RASGRF1: variants seen among roughly 807,000 people sequenced by gnomAD.
RASGRF1 encodes the protein Ras protein specific guanine nucleotide releasing factor 1, also known as ras-specific guanine nucleotide-releasing factor 1.
RASGRF1 carries 40 observed loss-of-function variants against 138.7 expected under a neutral mutation model. The ratio of observed to expected loss-of-function variants is 0.29; its 90% CI spans 0.22 to 0.38. The LOEUF is 0.38. Ranked by LOEUF, RASGRF1 falls within the 10% of genes least tolerant of loss-of-function variation. RASGRF1 has a pLI of 1.00. For missense variants in RASGRF1, 1,108 were observed against 1,650.4 expected (o/e 0.67, Z 5.69); for synonymous variants, 614 against 663.2 (o/e 0.93, Z 1.14).
At chr15:79,021,869 A>G (rs1170132494) in intron 10 of RASGRF1, among the ~76,000 whole-genome samples, 2 of 152,316 alleles carry the variant, frequency 1.3e-5, no homozygotes, top group South Asian at 2.1e-4. Flanking sequence ...TTATGCAAGG[A>G]TTGATGTTAT....
In RASGRF1 at chr15:79,090,553, C is replaced by T. The variant is rs1299629922; in HGVS notation, c.-55G>A. 3.2e-6 allele frequency: 5 copies of T among 1,581,346 alleles called. No individual in the cohort carries two copies. Among genetic ancestry groups the T allele is most frequent in the East Asian group, 4.5e-5 (2 of 44,402 alleles). ...GCTTACATCTTCTCCGCGCAGCAGCCCCCCGTCCGTGCGCGCTGCGCGCTG... is the reference window on the plus strand; with the variant it reads ...GCTTACATCTTCTCCGCGCAGCAGCTCCCCGTCCGTGCGCGCTGCGCGCTG... On this transcript the variant is annotated 5_prime_UTR_variant, in exon 1 of 27. Coordinates refer to ENST00000558480, the MANE Select transcript of RASGRF1 (RefSeq NM_001145648.3).
intron 5 of RASGRF1, among the ~76,000 whole-genome samples, chr15:79,044,282 A>G (rs2141020923): frequency 1.3e-5 from 2 of 152,264 alleles, no homozygotes; most frequent in Non-Finnish European, 2.9e-5. Flanking sequence ...TGTTCTCTCT[A>G]TCTGGAAAGT....
chr15:79,084,867 T>C (rs1030100699), intron 1 of RASGRF1, among the ~76,000 whole-genome samples: 2 of 152,212 alleles, frequency 1.3e-5, no homozygotes, highest in Non-Finnish European at 2.9e-5. Context: ...TGATCCTGTC[T>C]TCTTTTCTGT....
chr15:79,064,864 T>G (rs1362906062), intron 1 of RASGRF1, among the ~76,000 whole-genome samples: 1 of 152,220 alleles, frequency 6.6e-6, no homozygotes, highest in Non-Finnish European at 1.5e-5. Context: ...AACATCCTTT[T>G]GGGAACTGGG....
chr15:79,074,811 C>T (rs996641781), intron 1 of RASGRF1, among the ~76,000 whole-genome samples: 1 of 152,194 alleles, frequency 6.6e-6, no homozygotes, highest in African/African-American at 2.4e-5. Context: ...CTTCTAAAGC[C>T]CCTGCAGGGC....
chr15:79,059,328 C>T (rs1402979135), intron 2 of RASGRF1, among the ~76,000 whole-genome samples: 1 of 147,342 alleles, frequency 6.8e-6, no homozygotes, highest in Non-Finnish European at 1.5e-5. Context: ...CCTTCCCTTC[C>T]CTTCCCTATC....
intron 1 of RASGRF1, among the ~76,000 whole-genome samples, chr15:79,083,356 C>T (rs541586711): frequency 4.7e-4 from 71 of 152,350 alleles, no homozygotes; most frequent in African/African-American, 1.7e-3. Flanking sequence ...GTCACTAGTG[C>T]TCCTGCATAA....
chr15:79,080,751 T>G (rs2057903850), intron 1 of RASGRF1, among the ~76,000 whole-genome samples: 1 of 152,224 alleles, frequency 6.6e-6, no homozygotes, highest in African/African-American at 2.4e-5. Flanking sequence ...GAAATTGCAT[T>G]AGCCCTGATG....
rs555566075 is a variant in RASGRF1, at chr15:78,980,279, G to A, written c.3494+341C>T. The A allele has an allele frequency of 9.7e-4, 179 of 184,746 alleles. 1 individual carries two copies. The highest frequency in any genetic ancestry group is 1.6e-3 in the Non-Finnish European group (145 of 89,802). 11.4% of individuals were successfully genotyped at this position (184,746 alleles called of 1,614,324 possible). A position where few individuals can be genotyped will look rare whatever the true frequency, so the allele number is the denominator to read the frequency against. On this transcript the variant is annotated intron_variant, in intron 24 of 26. Transcript: ENST00000558480. ...AAATAAACAAAACTGACGTTAAGAC[G>A]TCTCCTGATGTCAGAATTATTAAAA...
rs776564286 is a variant in RASGRF1 at position 79,090,374 on chromosome 15, T to G, written c.125A>C (p.Lys42Thr). The change falls in exon 1 of 27, where the codon AAG becomes ACG. Residue 42 changes from lysine (K) to threonine (T), a missense_variant. Lys to Thr is a moderately conservative substitution (Grantham distance 78). Transcript: ENST00000558480. ...RSSDNTKWQT[K>T]WFALLQNLLF... ...CAGGTTCTGCAGCAGCGCGAACCACTTGGTTTGCCATTTTGTGTTGTCCGA... is the reference window on the plus strand; with the variant it reads ...CAGGTTCTGCAGCAGCGCGAACCACGTGGTTTGCCATTTTGTGTTGTCCGA... 1 of 1,613,820 alleles carries G rather than the reference T, an allele frequency of 6.2e-7. No individual in the cohort carries two copies. Among genetic ancestry groups the G allele is most frequent in the Non-Finnish European group, 8.5e-7 (1 of 1,179,976 alleles).
intron 1 of RASGRF1, among the ~76,000 whole-genome samples, chr15:79,080,678 A>G (rs894412303): frequency 6.6e-6 from 1 of 152,230 alleles, no homozygotes; most frequent in African/African-American, 2.4e-5. Flanking sequence ...AGTTTGAAAA[A>G]AAAAAGAAAG....
chr15:78,974,937 T>C (rs917872240), intron 24 of RASGRF1, among the ~76,000 whole-genome samples: 1 of 152,250 alleles, frequency 6.6e-6, no homozygotes, highest in African/African-American at 2.4e-5. Context: ...GGCTGTTAGG[T>C]AAACACAAAT....
chr15:79,006,097 C>T lies in RASGRF1; in HGVS notation c.2075+89G>A. 6.4e-7 allele frequency: 1 copy of T among 1,559,178 alleles called. No individual in the cohort carries two copies. The highest frequency in any genetic ancestry group is 1.2e-5 in the South Asian group (1 of 84,034). On this transcript the variant is annotated intron_variant, in intron 14 of 26. Transcript: ENST00000558480. This position sits in a 1 kb window ranked among gnomAD's most constrained non-coding sequence, Gnocchi z 4.0. ...TACTGCTGCTCCTCCAGGGACCTTC[C>T]AGGTCACCCCCCGGCCCCGTGCAAG...
chr15:79,080,566 A>G (rs1360537058), intron 1 of RASGRF1, among the ~76,000 whole-genome samples: 6 of 152,220 alleles, frequency 3.9e-5, no homozygotes, highest in Non-Finnish European at 5.9e-5. Flanking sequence ...CTAAATTTCT[A>G]CATGGAGTTT....
intron 5 of RASGRF1, among the ~76,000 whole-genome samples, chr15:79,045,434 A>G (rs963163594): frequency 1.3e-5 from 2 of 152,210 alleles, no homozygotes; most frequent in African/African-American, 4.8e-5. Flanking sequence ...TGTTTTAGTC[A>G]ATGCATAAAA....
chr15:79,086,610 ATCAGGTTC>A (rs1204741645), intron 1 of RASGRF1, among the ~76,000 whole-genome samples: 1 of 151,598 alleles, frequency 6.6e-6, no homozygotes, highest in Non-Finnish European at 1.5e-5. Context: ...CTCCAACAAC[ATCAGGTTC>A]TGAGGTTCTG....
rs748661803 is a variant in RASGRF1 at position 79,090,207 on chromosome 15, G to A, written c.276+16C>T. The A allele has an allele frequency of 5.7e-6, 9 of 1,586,332 alleles. No individual in the cohort carries two copies. In the East Asian group the frequency reaches 6.8e-5, roughly 12 times the overall value. ...GGCCGGGACGCAGGGAGGTCAGGAC[G>A]CGACGCTCGCCTCACCTGTTTCTCC... is the stretch of plus-strand genomic sequence containing the variant. On this transcript the variant is annotated intron_variant, in intron 1 of 26. Transcript: ENST00000558480.
Position 79,049,525 on chromosome 15 carries a change from C to T in RASGRF1, c.595G>A (p.Glu199Lys). The T allele has an allele frequency of 6.2e-7, 1 of 1,614,072 alleles. No homozygotes were observed. The highest frequency in any genetic ancestry group is 8.5e-7 in the Non-Finnish European group (1 of 1,180,006). The change falls in exon 4 of 27, where the codon GAA becomes AAA. Residue 199 changes from glutamate to lysine, a missense_variant. This residue lies in a region of RASGRF1 where 253 missense variants were observed against 329.5 expected (regional missense o/e 0.77). Coordinates refer to ENST00000558480, the MANE Select transcript of RASGRF1 (RefSeq NM_001145648.3). ...TTAATTTTCTTGATGTCGCTGTCTT[C>T]ATCGTTGGGGGCGACAGTCTGGGTG... ...QSTQTVAPND[E>K]DSDIKKIKKV... is the part of the protein sequence containing the mutation.
At chr15:79,029,206 T>C (rs924690095) in intron 8 of RASGRF1, among the ~76,000 whole-genome samples, 1 of 152,150 alleles carries the variant, frequency 6.6e-6, no homozygotes, top group African/African-American at 2.4e-5. Flanking sequence ...AGCCTCAGTT[T>C]CCCCCTTTCT....
Sources: allele counts gnomAD v4.1 joint callset (sites outside exome capture counted in the v4.1 genomes callset), GRCh38; gene constraint gnomAD v4.1.1; regional missense constraint gnomAD v4.1.1; non-coding constraint Gnocchi (gnomAD v3.1); transcripts MANE v1.5; gene names NCBI Gene and HGNC (gene_info 2026-07-23, HGNC 2026-07-21).